Variants in CCDC88B observed in about 807,000 individuals in gnomAD.
CCDC88B encodes coiled-coil and HOOK domain protein 88B, also known as coiled-coil domain-containing protein 88B.
CCDC88B carries 138 observed loss-of-function variants against 183.7 expected under a neutral mutation model. The observed-to-expected ratio is 0.75, with a 90% confidence interval of 0.65 to 0.87. The LOEUF (loss-of-function observed/expected upper bound fraction) is 0.87. CCDC88B is among the 40% of genes least tolerant of loss of function. The probability of loss-of-function intolerance (pLI) is 0.00; values close to 1 mark genes in which losing one functional copy is unlikely to be tolerated. For missense variants in CCDC88B, 1,822 were observed against 1,965.6 expected (o/e 0.93, Z 1.38); for synonymous variants, 835 against 867.5 (o/e 0.96, Z 0.66).
intron 18 of CCDC88B, 44 bp from the exon 19 acceptor site, chr11:64,352,085 CA>C: frequency 6.6e-7 from 1 of 1,514,480 alleles, no homozygotes; most frequent in South Asian, 1.3e-5. Context: ...GATTTCCAGC[CA>C]GGGGTTCCTC....
Position 64,340,757 on chromosome 11 carries a change from GGGGCATC to G in CCDC88B, c.206+10_206+16del. 1.2e-6 allele frequency: 2 copies of G among 1,605,620 alleles called. No homozygotes were observed. Among genetic ancestry groups the G allele is most frequent in the Non-Finnish European group, 8.5e-7 (1 of 1,176,332 alleles). On this transcript the variant is annotated splice_donor_region_variant and intron_variant, in intron 2 of 26. Coordinates refer to ENST00000356786, the MANE Select transcript of CCDC88B (RefSeq NM_032251.6). ...CCTCCGGGTGCTGGGCATCATGTAAGGGGCATCGGGCCGGGGCGGTGGCGGGGAAGGA... is the reference window on the plus strand; with the variant it reads ...CCTCCGGGTGCTGGGCATCATGTAAGGGGCCGGGGCGGTGGCGGGGAAGGA...
Position 64,357,502 on chromosome 11 carries a change from G to T in CCDC88B, c.*408G>T, listed in dbSNP as rs751741837. ...CTTGAGCCTTAACTGGACATGAGGGGCATGAGAATAAAGCTGAACTGCAGC... is the reference window on the plus strand; with the variant it reads ...CTTGAGCCTTAACTGGACATGAGGGTCATGAGAATAAAGCTGAACTGCAGC... On this transcript the variant is annotated 3_prime_UTR_variant, in exon 27 of 27. Transcript: ENST00000356786. 8.5e-6 allele frequency: 6 copies of T among 704,222 alleles called. No homozygotes were observed. In the South Asian group the frequency reaches 9.0e-5, roughly 11 times the overall value. 43.6% of individuals were successfully genotyped at this position (704,222 alleles called of 1,614,324 possible).
At position 64,342,600 on chromosome 11, in the gene CCDC88B, C is replaced by T. The variant is rs1226702729; in HGVS notation, c.982C>T (p.Arg328Cys). ...AGAGGCGCTGCGGGAGCGGGCCGGC[C>T]GCCTGCCCCGCCTGCAGGAGGAGCT... ...EAEALRERAG[R>C]LPRLQEELRR... Residue 328 changes from arginine (R) to cysteine (C), a missense_variant, in exon 10 of 27, where the codon CGC becomes TGC. Coordinates refer to ENST00000356786, the MANE Select transcript of CCDC88B (RefSeq NM_032251.6). The T allele has an allele frequency of 1.1e-5, 17 of 1,530,178 alleles. No individual in the cohort carries two copies. Among genetic ancestry groups the T allele is most frequent in the Non-Finnish European group, 1.4e-5 (16 of 1,144,792 alleles). The allele number at this position is 1,530,178 out of a possible 1,614,324, so 94.8% of individuals were successfully genotyped here.
At chr11:64,356,888 A>G (rs570540544) in intron 26 of CCDC88B, 151 bp from the exon 27 acceptor site, 2 of 693,110 alleles carry the variant, frequency 2.9e-6, no homozygotes, top group Non-Finnish European at 5.0e-6. Flanking sequence ...GGGCAGAGGG[A>G]ACCGCTGAGG....
Position 64,341,698 on chromosome 11 carries a change from G to A in CCDC88B, c.631G>A (p.Gly211Arg), listed in dbSNP as rs762055626. ...ELEMLSRSLMGTLSKLARERD... is the reference protein window; with the variant it reads ...ELEMLSRSLMRTLSKLARERD... The stretch of plus-strand genomic sequence containing the variant: ...GGAGATGCTGTCCCGGAGCCTGATG[G>A]GGACACTGTCGAAGCTGGCACGGGA... Residue 211 changes from glycine to arginine, a missense_variant, in exon 7 of 27, where the codon GGG becomes AGG. Coordinates refer to ENST00000356786, the MANE Select transcript of CCDC88B (RefSeq NM_032251.6). 6.2e-7 allele frequency: 1 copy of A among 1,604,700 alleles called. No homozygotes were observed. The highest frequency in any genetic ancestry group is 1.7e-5 in the Admixed American group (1 of 58,278).
Position 64,343,516 on chromosome 11 carries a change from T to A in CCDC88B, c.1219T>A (p.Ser407Thr). The change falls in exon 12 of 27, where the codon TCT (serine) becomes ACT (threonine). Residue 407 changes from serine (S) to threonine (T), a missense_variant. Physicochemically the swap from Ser to Thr is moderately conservative, Grantham distance 58 (BLOSUM62 1). Transcript: ENST00000356786. ...CTTCCCTCACCCCCAGGAGCTGGAC[T>A]CTCTGCGGCATCAGGTGGACCAGCT... ...RLGEAHAELD[S>T]LRHQVDQLAE... is the part of the protein sequence containing the mutation. 4 of 1,551,678 alleles carry A rather than the reference T, an allele frequency of 2.6e-6. No individual in the cohort carries two copies. The highest frequency in any genetic ancestry group is 3.5e-6 in the Non-Finnish European group (4 of 1,146,974).
intron 16 of CCDC88B, among the ~76,000 whole-genome samples, chr11:64,350,869 C>T (rs1681351363): frequency 6.6e-6 from 1 of 152,076 alleles, no homozygotes; most frequent in Admixed American, 6.5e-5. Flanking sequence ...GACTCTGTCT[C>T]AAAACAAAAA....
Position 64,343,759 on chromosome 11 carries a change from C to A in CCDC88B, c.1319-19C>A. ...CCAGGCAGTAAAGGAGGGGTCCTGACCTCATCTCTCATCCTCAGCACCCCT... is the reference window on the plus strand; with the variant it reads ...CCAGGCAGTAAAGGAGGGGTCCTGAACTCATCTCTCATCCTCAGCACCCCT... On this transcript the variant is annotated intron_variant, in intron 12 of 26. Coordinates refer to ENST00000356786, the MANE Select transcript of CCDC88B (RefSeq NM_032251.6). 1 of 1,551,026 alleles carries A rather than the reference C, an allele frequency of 6.4e-7. No individual in the cohort carries two copies. The highest frequency in any genetic ancestry group is 2.4e-5 in the East Asian group (1 of 41,926).
intron 19 of CCDC88B, 49 bp downstream of exon 19, chr11:64,352,435 C>A: frequency 6.7e-7 from 1 of 1,489,078 alleles, no homozygotes; most frequent in South Asian, 1.3e-5. Flanking sequence ...CCCTATCTGC[C>A]AGAGAAGACT....
At position 64,343,548 on chromosome 11, in the gene CCDC88B, G is replaced by C. The variant is rs1025855391; in HGVS notation, c.1251G>C (p.Glu417Asp). The change falls in exon 12 of 27, where the codon GAG (glutamate) becomes GAC (aspartate). Residue 417 changes from glutamate to aspartate, a missense_variant. Glu to Asp is a conservative substitution (Grantham distance 45). Coordinates refer to ENST00000356786, the MANE Select transcript of CCDC88B (RefSeq NM_032251.6). ...SLRHQVDQLAEENVELELELQ... is the reference protein window; with the variant it reads ...SLRHQVDQLADENVELELELQ... ...GGCATCAGGTGGACCAGCTGGCTGA[G>C]GAGAATGTGGAGCTGGAGCTGGAGC... 4 of 1,551,902 alleles carry C rather than the reference G, an allele frequency of 2.6e-6. No individual in the cohort carries two copies. In the African/African-American group the frequency reaches 5.5e-5, roughly 21 times the overall value.
At chr11:64,340,807 C>G (rs994196884) in intron 2 of CCDC88B, 55 bp downstream of exon 2, 4 of 1,554,350 alleles carry the variant, frequency 2.6e-6, no homozygotes, top group African/African-American at 2.7e-5. Flanking sequence ...GGAGGGGAAG[C>G]GGGTGGGCGG....
Position 64,344,237 on chromosome 11 carries a change from G to T in CCDC88B, c.1696G>T (p.Ala566Ser). The change falls in exon 14 of 27, where the codon GCC becomes TCC. Residue 566 changes from alanine (A) to serine (S), a missense_variant. By Grantham distance (99) the Ala-to-Ser change is moderately conservative. Transcript: ENST00000356786. This position sits in a 1 kb window ranked among gnomAD's most constrained non-coding sequence, Gnocchi z 4.5. ...GGCAGAGAGTCCCCTTCAGGCAGCT[G>T]CCATGGACCCCCAGGCCTCAGACTG... ...QEAESPLQAA[A>S]MDPQASDWSP... 2.5e-6 allele frequency: 4 copies of T among 1,613,456 alleles called. No homozygotes were observed. Among genetic ancestry groups the T allele is most frequent in the Non-Finnish European group, 3.4e-6 (4 of 1,179,864 alleles).
Position 64,340,696 on chromosome 11 carries a change from GAA to G in CCDC88B, c.151_152del (p.Lys51GlufsTer33). Reference protein sequence around the residue: ...EEEEPPLWLEKRFLRLSDGAL... With the variant: ...EEEEPPLWLEXRFLRLSDGAL... ...AGGAAGAGCCGCCCCTTTGGTTGGA[GAA>G]GAGATTCCTGCGCCTCAGCGATGGG... On this transcript the variant is annotated frameshift_variant, in exon 2 of 27. Coordinates refer to ENST00000356786, the MANE Select transcript of CCDC88B (RefSeq NM_032251.6). LOFTEE classifies it high-confidence loss of function. 6.2e-7 allele frequency: 1 copy of G among 1,612,750 alleles called. No individual in the cohort carries two copies. Among genetic ancestry groups the G allele is most frequent in the African/African-American group, 1.3e-5 (1 of 75,024 alleles).
At chr11:64,341,802 C>G in intron 7 of CCDC88B, 60 bp downstream of exon 7, 1 of 1,532,408 alleles carries the variant, frequency 6.5e-7, no homozygotes, top group Non-Finnish European at 8.7e-7. Context: ...ATCAGGGAGC[C>G]GGTTGTGCAA....
At chr11:64,354,252 G>T in intron 24 of CCDC88B, 82 bp downstream of exon 24, 1 of 1,199,472 alleles carries the variant, frequency 8.3e-7, no homozygotes. Context: ...TCACTGCCTG[G>T]CCTGCATGCG....
intron 10 of CCDC88B, chr11:64,342,950 A>ATGGACAGAT (rs2035943202): frequency 1.8e-5 from 8 of 433,868 alleles, no homozygotes; most frequent in Non-Finnish European, 2.6e-5. Context: ...CATGGACAGA[A>ATGGACAGAT]GGGCGGGGCC....
chr11:64,354,125 C>A lies in CCDC88B; in HGVS notation c.4054C>A (p.Pro1352Thr). ...GAGSTESLGG[P>T]PETELPEGRE... ...TGGCAGCACCGAGAGCCTGGGGGGC[C>A]CCCCGGAGACGGAGCTTCCTGAGGG... is the stretch of plus-strand genomic sequence containing the variant. The change falls in exon 24 of 27, where the codon CCC becomes ACC. Residue 1352 changes from proline (P) to threonine (T), a missense_variant. Transcript: ENST00000356786. 4 of 1,372,194 alleles carry A rather than the reference C, an allele frequency of 2.9e-6. No individual in the cohort carries two copies. In the African/African-American group the frequency reaches 5.8e-5, roughly 20 times the overall value. 85.0% of individuals were successfully genotyped at this position (1,372,194 alleles called of 1,614,324 possible).
Position 64,355,381 on chromosome 11 carries a change from G to A in CCDC88B, c.4287G>A (p.Ala1429=), listed in dbSNP as rs148642259. ...FRQRHPGPLG[A]PVSHSKGPGV... ...AGCGCCATCCAGGCCCCCTGGGGGCGCCCGTCTCCCACAGCAAAGGTGAGG... is the reference window on the plus strand; with the variant it reads ...AGCGCCATCCAGGCCCCCTGGGGGCACCCGTCTCCCACAGCAAAGGTGAGG... The change falls in exon 25 of 27, where the codon GCG becomes GCA. Residue 1429 remains alanine, a synonymous_variant. Coordinates refer to ENST00000356786, the MANE Select transcript of CCDC88B (RefSeq NM_032251.6). 4.6e-4 allele frequency: 726 copies of A among 1,588,792 alleles called. 7 individuals are homozygous for A. In the East Asian group the frequency reaches 0.013, roughly 28 times the overall value.
At position 64,353,037 on chromosome 11, in the gene CCDC88B, T is replaced by A; in HGVS notation, c.3501-17T>A. ...GGACCCAGGTCCCTTGGAGAGCAGC[T>A]CTCCTTGCCTCCCAAGGGCTCAGAT... is the stretch of plus-strand genomic sequence containing the variant. On this transcript the variant is annotated splice_polypyrimidine_tract_variant and intron_variant, in intron 20 of 26. Transcript: ENST00000356786. 6.4e-7 allele frequency: 1 copy of A among 1,573,514 alleles called. No individual in the cohort carries two copies.
Sources: gnomAD v4.1 joint callset for allele counts (sites outside exome capture counted in the v4.1 genomes callset) on GRCh38, gnomAD v4.1.1 for gene constraint, Gnocchi (gnomAD v3.1) non-coding constraint, MANE v1.5 for transcripts, NCBI Gene and HGNC (gene_info 2026-07-23, HGNC 2026-07-21) for gene names.